Variants in B3GALT1 observed in about 807,000 individuals in gnomAD.
The protein encoded by B3GALT1 is beta-1,3-galactosyltransferase 1, also known as UDP-Gal:betaGlcNAc beta 1,3-galactosyltransferase, polypeptide 1.
In B3GALT1, 10 loss-of-function variants were observed where a neutral mutation model predicts 23.2. The ratio of observed to expected loss-of-function variants is 0.43; its 90% CI spans 0.27 to 0.73. The LOEUF (loss-of-function observed/expected upper bound fraction) is 0.73, where lower values mean the gene tolerates loss of function less well. Ranked by LOEUF, B3GALT1 falls within the 30% of genes least tolerant of loss-of-function variation. The pLI, the probability that B3GALT1 is intolerant of heterozygous loss-of-function variation, is 0.21. For missense variants in B3GALT1, 299 were observed against 405.4 expected (o/e 0.74, Z 2.25); for synonymous variants, 156 against 141.5 (o/e 1.10, Z -0.73).
chr2:167,581,398 A>G (rs1684481222), intron 2 of B3GALT1, among the ~76,000 whole-genome samples: 1 of 152,242 alleles, frequency 6.6e-6, no homozygotes, highest in African/African-American at 2.4e-5. Context: ...TCTCCACCTG[A>G]CTGTTCCATT....
At chr2:167,843,188 A>G (rs1689684218) in intron 4 of B3GALT1, among the ~76,000 whole-genome samples, 1 of 152,210 alleles carries the variant, frequency 6.6e-6, no homozygotes, top group South Asian at 2.1e-4. Flanking sequence ...GCAGCTGTAA[A>G]TTTTCGTAAA....
At chr2:167,360,428 C>T (rs778303882) in intron 1 of B3GALT1, among the ~76,000 whole-genome samples, 2 of 152,082 alleles carry the variant, frequency 1.3e-5, no homozygotes, top group African/African-American at 2.4e-5. Flanking sequence ...TCTTTGAGAA[C>T]ATCTAGTCAG....
intron 3 of B3GALT1, among the ~76,000 whole-genome samples, chr2:167,758,818 A>G (rs899850010): frequency 3.3e-5 from 5 of 152,178 alleles, no homozygotes; most frequent in African/African-American, 1.2e-4. Context: ...ACAGATGGTC[A>G]GGCTCAGATC....
chr2:167,378,628 A>C (rs1697798638), intron 1 of B3GALT1, among the ~76,000 whole-genome samples: 1 of 152,074 alleles, frequency 6.6e-6, no homozygotes, highest in South Asian at 2.1e-4. Flanking sequence ...TAAAAGCTTT[A>C]AATTGTATTT....
At chr2:167,654,090 G>T (rs902272389) in intron 3 of B3GALT1, among the ~76,000 whole-genome samples, 1 of 152,098 alleles carries the variant, frequency 6.6e-6, no homozygotes, top group Non-Finnish European at 1.5e-5. Flanking sequence ...CAGGTTGGCT[G>T]GTTGACATCC....
intron 2 of B3GALT1, among the ~76,000 whole-genome samples, chr2:167,617,161 A>T (rs968407367): frequency 6.6e-6 from 1 of 152,104 alleles, no homozygotes; most frequent in Non-Finnish European, 1.5e-5. Context: ...TTAAACTTAA[A>T]GCCTCATGGT....
chr2:167,635,339 G>C (rs945252460), intron 2 of B3GALT1, among the ~76,000 whole-genome samples: 5 of 152,110 alleles, frequency 3.3e-5, no homozygotes, highest in Admixed American at 1.3e-4. Context: ...AGTATTGGAA[G>C]TTCTGGCCAG....
At chr2:167,367,373 C>T (rs1426458869) in intron 1 of B3GALT1, among the ~76,000 whole-genome samples, 1 of 152,200 alleles carries the variant, frequency 6.6e-6, no homozygotes, top group African/African-American at 2.4e-5. Context: ...TGATGGACTA[C>T]CCATTGCTTA....
chr2:167,595,513 C>G (rs1684760657), intron 2 of B3GALT1, among the ~76,000 whole-genome samples: 1 of 71,490 alleles, frequency 1.4e-5, no homozygotes, highest in Non-Finnish European at 3.7e-5. Context: ...GTTCGGGGGA[C>G]TTACAAAAAT....
chr2:167,718,923 G>C (rs145327555), intron 3 of B3GALT1, among the ~76,000 whole-genome samples: 5 of 152,278 alleles, frequency 3.3e-5, no homozygotes, highest in Admixed American at 6.5e-5. Context: ...CAAATGCCAA[G>C]GTGCCTTATT....
chr2:167,584,689 C>T (rs554385144), intron 2 of B3GALT1, among the ~76,000 whole-genome samples: 2 of 152,112 alleles, frequency 1.3e-5, no homozygotes, highest in Non-Finnish European at 2.9e-5. Flanking sequence ...CTACAACCCC[C>T]TCCTTGGTTT....
At chr2:167,600,152 A>T (rs2105423096) in intron 2 of B3GALT1, among the ~76,000 whole-genome samples, 1 of 152,298 alleles carries the variant, frequency 6.6e-6, no homozygotes, top group Non-Finnish European at 1.5e-5. Flanking sequence ...TATGATCAAG[A>T]GTGAAATGAC....
At chr2:167,309,091 C>T (rs1327085437) in intron 1 of B3GALT1, among the ~76,000 whole-genome samples, 2 of 151,960 alleles carry the variant, frequency 1.3e-5, no homozygotes, top group Non-Finnish European at 2.9e-5. Flanking sequence ...AAAATTAACC[C>T]TATTAATGTT....
At chr2:167,816,736 T>A (rs28490370) in intron 3 of B3GALT1, among the ~76,000 whole-genome samples, 3,060 of 152,332 alleles carry the variant, frequency 0.02, 112 homozygotes, top group African/African-American at 0.07. Flanking sequence ...GTGCTATTTT[T>A]CCAATGTCAA....
In B3GALT1 at chr2:167,613,908, G is replaced by GT. The variant is rs539560922; in HGVS notation, c.-409-32994dup. On this transcript the variant is annotated intron_variant, in intron 2 of 4. Coordinates refer to ENST00000392690, the MANE Select transcript of B3GALT1 (RefSeq NM_020981.4). ...ATTTTTCAGTCAACTAAGACTGAAG[G>GT]TTTTTTTCCCTTGACATTATAATCT... 4.4e-3 allele frequency among the ~76,000 whole-genome samples: 675 copies of GT among 151,760 alleles called. 2 individuals carry two copies. Among genetic ancestry groups the GT allele is most frequent in the African/African-American group, 0.015 (631 of 41,474 alleles).
At chr2:167,647,482 T>G (rs16853993) in intron 3 of B3GALT1, among the ~76,000 whole-genome samples, 2 of 152,188 alleles carry the variant, frequency 1.3e-5, no homozygotes, top group Non-Finnish European at 2.9e-5. Flanking sequence ...AATCCTTCCA[T>G]GAAATAATGA....
chr2:167,325,920 G>T (rs1247939883), intron 1 of B3GALT1, among the ~76,000 whole-genome samples: 1 of 151,772 alleles, frequency 6.6e-6, no homozygotes, highest in Non-Finnish European at 1.5e-5. Flanking sequence ...CTTTCACCAT[G>T]TTGGCTAGGC....
At chr2:167,472,222 G>A (rs1048712006) in intron 1 of B3GALT1, among the ~76,000 whole-genome samples, 5 of 152,042 alleles carry the variant, frequency 3.3e-5, no homozygotes, top group African/African-American at 9.7e-5. Flanking sequence ...ATGCCGTTAT[G>A]GGACTTGAAG....
At position 167,793,567 on chromosome 2, in the gene B3GALT1, A is replaced by G. The variant is rs2105331429; in HGVS notation, c.-351-25105A>G. On this transcript the variant is annotated intron_variant, in intron 3 of 4. Transcript: ENST00000392690. ...AGTTCGGATTTTCTTCCACATTTCC[A>G]ATTGTGTAGGCAAGGTGCATGGAGG... Among the ~76,000 whole-genome samples, 3 of 152,316 alleles carry G rather than the reference A, an allele frequency of 2.0e-5. No individual in the cohort carries two copies. In the South Asian group the frequency reaches 6.2e-4, roughly 32 times the overall value.
Sources: allele counts gnomAD v4.1 joint callset (sites outside exome capture counted in the v4.1 genomes callset), GRCh38; gene constraint gnomAD v4.1.1; transcripts MANE v1.5; gene names NCBI Gene and HGNC (gene_info 2026-07-23, HGNC 2026-07-21).